The following GLIS3 variants were observed in gnomAD, a reference collection of about 807,000 sequenced individuals.
The protein encoded by GLIS3 is GLIS family zinc finger 3.
GLIS3 carries 53 observed loss-of-function variants against 78.6 expected under a neutral mutation model. That is an observed-to-expected ratio of 0.67 (90% CI 0.54 to 0.85). The LOEUF is 0.85. Ranked by LOEUF, GLIS3 falls within the 40% of genes least tolerant of loss-of-function variation. The pLI is 0.00. For missense variants in GLIS3, 1,703 were observed against 1,231.1 expected (o/e 1.38, Z -5.74); for synonymous variants, 684 against 509.9 (o/e 1.34, Z -4.60).
At chr9:4,438,863 C>G in the GLIS3 span, among the ~76,000 whole-genome samples, 2 of 152,148 alleles carry the variant, frequency 1.3e-5, no homozygotes, top group African/African-American at 4.8e-5. Flanking sequence ...TCTATTAAAC[C>G]TCTTTCCTTT....
At chr9:4,073,230 G>A (rs927939391) in intron 4 of GLIS3, among the ~76,000 whole-genome samples, 6 of 152,122 alleles carry the variant, frequency 3.9e-5, no homozygotes, top group African/African-American at 1.4e-4. Flanking sequence ...CGCTACAGCT[G>A]GGCTAGCATA....
At chr9:4,393,538 G>T in the GLIS3 span, among the ~76,000 whole-genome samples, 6 of 151,996 alleles carry the variant, frequency 3.9e-5, no homozygotes, top group African/African-American at 1.5e-4. Flanking sequence ...ATCCCGTATC[G>T]CATTAGTTGT....
intron 4 of GLIS3, among the ~76,000 whole-genome samples, chr9:4,012,326 G>A (rs1256889618): frequency 6.6e-6 from 1 of 152,104 alleles, no homozygotes; most frequent in South Asian, 2.1e-4. Context: ...GGAAGAGTGT[G>A]GTTAAAAGTA....
At position 3,848,423 on chromosome 9, in the gene GLIS3, A is replaced by T. The variant is rs558331933; in HGVS notation, c.2473+7586T>A. ...AGGCTGAGGCAGGAGAATCGCTTGA[A>T]TCCAGGAGGCGGAGGTTGCCGTGAG... is the stretch of plus-strand genomic sequence containing the variant. On this transcript the variant is annotated intron_variant, in intron 9 of 10. Transcript: ENST00000381971. 8.6e-4 allele frequency among the ~76,000 whole-genome samples: 131 copies of T among 152,344 alleles called. 1 individual carries two copies. The highest frequency in any genetic ancestry group is 2.1e-4 in the Non-Finnish European group (14 of 68,026).
chr9:4,415,854 A>G, the GLIS3 span, among the ~76,000 whole-genome samples: 2 of 152,116 alleles, frequency 1.3e-5, no homozygotes, highest in African/African-American at 2.4e-5. Flanking sequence ...CTAATGGAAC[A>G]GTCAAACAGT....
chr9:4,248,010 ACC>A (rs1823964625), intron 2 of GLIS3, among the ~76,000 whole-genome samples: 2 of 152,094 alleles, frequency 1.3e-5, no homozygotes, highest in South Asian at 4.2e-4. Flanking sequence ...GAAACTCTGT[ACC>A]CTTGGACCAG....
chr9:3,947,079 T>C (rs1588289264), intron 4 of GLIS3, among the ~76,000 whole-genome samples: 1 of 152,130 alleles, frequency 6.6e-6, no homozygotes, highest in African/African-American at 2.4e-5. Flanking sequence ...GGGACTCCAA[T>C]CCAGTGTCCC....
rs915167750 is a variant in GLIS3 at position 4,118,194 on chromosome 9, G to A, written c.1284C>T (p.Phe428=). The A allele has an allele frequency of 1.9e-6, 3 of 1,585,502 alleles. No homozygotes were observed. Among genetic ancestry groups the A allele is most frequent in the African/African-American group, 1.3e-5 (1 of 74,478 alleles). ...PGPDSQSAGL[F]KTERLEEFPG... ...GGAACTCCTCCAGGCGTTCGGTCTT[G>A]AACAGGCCGGCCGACTGGCTGTCGG... is the stretch of plus-strand genomic sequence containing the variant. The change falls in exon 4 of 11, where the codon TTC becomes TTT. Residue 428 remains phenylalanine (F), a synonymous_variant. Coordinates refer to ENST00000381971, the MANE Select transcript of GLIS3 (RefSeq NM_001042413.2). The surrounding 1 kb of genome is among the most constrained non-coding windows in gnomAD (Gnocchi z 4.7).
chr9:3,907,660 A>C (rs1823817429), intron 6 of GLIS3, among the ~76,000 whole-genome samples: 1 of 148,738 alleles, frequency 6.7e-6, no homozygotes, highest in African/African-American at 2.5e-5. Context: ...ACACACTACT[A>C]AACAGTGCTC....
At chr9:4,203,657 G>A (rs112897694) in intron 2 of GLIS3, among the ~76,000 whole-genome samples, 2,043 of 152,312 alleles carry the variant, frequency 0.013, 46 homozygotes, top group African/African-American at 0.046. Context: ...ATGCACTCGT[G>A]TGTTCACTGC....
At chr9:4,428,827 G>A in the GLIS3 span, among the ~76,000 whole-genome samples, 3 of 152,114 alleles carry the variant, frequency 2.0e-5, no homozygotes, top group Non-Finnish European at 2.9e-5. Flanking sequence ...AATCATTCCT[G>A]CCTACCAAGC....
At chr9:3,949,168 CT>C (rs1474754331) in intron 4 of GLIS3, among the ~76,000 whole-genome samples, 1 of 152,170 alleles carries the variant, frequency 6.6e-6, no homozygotes, top group Non-Finnish European at 1.5e-5. Flanking sequence ...AATCCAGTTG[CT>C]CTCTTTCTTT....
chr9:3,829,206 C>T (rs753018831), intron 10 of GLIS3, 104 bp downstream of exon 10: 77 of 922,570 alleles, frequency 8.3e-5, no homozygotes, highest in Middle Eastern at 6.6e-4. Context: ...GGATTTGATG[C>T]GGTCATGTGC....
chr9:4,061,141 G>A (rs996361892), intron 4 of GLIS3, among the ~76,000 whole-genome samples: 2 of 151,608 alleles, frequency 1.3e-5, no homozygotes, highest in African/African-American at 4.9e-5. Context: ...ATGTATACAT[G>A]TGCCATGTTG....
At chr9:4,221,940 C>CCTA (rs1821363919) in intron 2 of GLIS3, among the ~76,000 whole-genome samples, 1 of 152,206 alleles carries the variant, frequency 6.6e-6, no homozygotes, top group Non-Finnish European at 1.5e-5. Flanking sequence ...TGGGCTCCAT[C>CCTA]CTATGTACAG....
At chr9:4,327,946 C>G (rs1817626922) in intron 2 of GLIS3, among the ~76,000 whole-genome samples, 1 of 151,898 alleles carries the variant, frequency 6.6e-6, no homozygotes, top group African/African-American at 2.4e-5. Context: ...GAGCCTGGGC[C>G]TTCAGAAGGC....
intron 4 of GLIS3, among the ~76,000 whole-genome samples, chr9:4,014,889 T>C (rs893323565): frequency 1.3e-5 from 2 of 152,226 alleles, no homozygotes; most frequent in African/African-American, 4.8e-5. Context: ...TCACTGGTTC[T>C]TTCATTCCTT....
At chr9:4,047,095 T>G (rs2130431108) in intron 4 of GLIS3, among the ~76,000 whole-genome samples, 1 of 152,272 alleles carries the variant, frequency 6.6e-6, no homozygotes, top group South Asian at 2.1e-4. Context: ...GGGAGAAACC[T>G]GCTGGAAGGT....
intron 2 of GLIS3, among the ~76,000 whole-genome samples, chr9:4,166,769 T>C (rs191711314): frequency 1.2e-3 from 177 of 152,364 alleles, no homozygotes; most frequent in African/African-American, 3.9e-3. Context: ...TTCAGTCTCA[T>C]GTGTTCTCAG....
Sources: allele counts gnomAD v4.1 joint callset (sites outside exome capture counted in the v4.1 genomes callset), GRCh38; gene constraint gnomAD v4.1.1; non-coding constraint Gnocchi (gnomAD v3.1); transcripts MANE v1.5; gene names NCBI Gene and HGNC (gene_info 2026-07-23, HGNC 2026-07-21).